The following PDE1C variants were observed in gnomAD, a reference collection of about 807,000 sequenced individuals.
PDE1C encodes dual specificity calcium/calmodulin-dependent 3',5'-cyclic nucleotide phosphodiesterase 1C.
PDE1C carries 62 observed loss-of-function variants against 93.1 expected under a neutral mutation model. The ratio of observed to expected loss-of-function variants is 0.67; its 90% CI spans 0.54 to 0.82. The LOEUF (loss-of-function observed/expected upper bound fraction) is 0.82. Among genes scored for constraint, PDE1C ranks in the 40% least tolerant of loss-of-function variants. PDE1C has a pLI of 0.00. For missense variants in PDE1C, 742 were observed against 884.6 expected (o/e 0.84, Z 2.04); for synonymous variants, 325 against 310.1 (o/e 1.05, Z -0.50).
At chr7:31,965,712 G>A (rs376298255) in intron 2 of PDE1C, among the ~76,000 whole-genome samples, 4 of 152,176 alleles carry the variant, frequency 2.6e-5, no homozygotes. Context: ...CAGAGAGAAA[G>A]GTCGGGTTAC....
In PDE1C at chr7:32,350,567, T is replaced by C. The variant is rs1373568580; in HGVS notation, c.310+77255A>G. Reference sequence around the variant, plus strand: ...TGACTAATATATATATATATATATATATATATATATATATATATATATATT... The same window carrying C: ...TGACTAATATATATATATATATATACATATATATATATATATATATATATT... On this transcript the variant is annotated intron_variant, in intron 1 of 1. Transcript: ENST00000672256. 3.9e-4 allele frequency among the ~76,000 whole-genome samples: 2 copies of C among 5,170 alleles called. 1 individual carries two copies. Among genetic ancestry groups the C allele is most frequent in the African/African-American group, 7.0e-4 (2 of 2,838 alleles). 3.4% of individuals were successfully genotyped at this position (5,170 alleles called of 152,430 possible). A position where few individuals can be genotyped will look rare whatever the true frequency, so the allele number is the denominator to read the frequency against.
intron 1 of PDE1C, among the ~76,000 whole-genome samples, chr7:32,223,224 A>G (rs561103258): frequency 6.6e-6 from 1 of 152,282 alleles, no homozygotes; most frequent in South Asian, 2.1e-4. Context: ...TTCCCATTTC[A>G]CTTGTTTTTC....
intron 3 of PDE1C, among the ~76,000 whole-genome samples, chr7:32,119,469 T>C (rs1309090259): frequency 6.6e-6 from 1 of 152,082 alleles, no homozygotes; most frequent in Non-Finnish European, 1.5e-5. Flanking sequence ...CACTGAAAGT[T>C]TCAGGTGGTT....
At chr7:32,288,868 A>C (rs1216453389) in intron 1 of PDE1C, among the ~76,000 whole-genome samples, 1 of 152,202 alleles carries the variant, frequency 6.6e-6, no homozygotes, top group Non-Finnish European at 1.5e-5. Context: ...GAAACTTCCA[A>C]AGGGCTGGAG....
At chr7:32,007,537 G>A (rs184934039) in intron 2 of PDE1C, among the ~76,000 whole-genome samples, 1 of 152,138 alleles carries the variant, frequency 6.6e-6, no homozygotes, top group East Asian at 1.9e-4. Flanking sequence ...CTTATTATGA[G>A]ACAAATCATC....
chr7:32,103,635 T>C (rs1008183493), intron 3 of PDE1C, among the ~76,000 whole-genome samples: 3 of 152,180 alleles, frequency 2.0e-5, no homozygotes, highest in African/African-American at 7.2e-5. Flanking sequence ...CCCACCCACA[T>C]AGAGAGGGCT....
At chr7:32,175,314 C>T (rs998334502) in intron 2 of PDE1C, among the ~76,000 whole-genome samples, 62 of 152,258 alleles carry the variant, frequency 4.1e-4, no homozygotes, top group African/African-American at 1.5e-3. Context: ...TTGGTTTCCC[C>T]AATGCATATA....
intron 3 of PDE1C, among the ~76,000 whole-genome samples, chr7:32,112,832 G>GTATATATATA (rs1798733753): frequency 1.7e-5 from 1 of 57,812 alleles, no homozygotes; most frequent in African/African-American, 9.5e-5. Flanking sequence ...GTGTGTGTGT[G>GTATATATATA]TGTGTGTGTG....
At chr7:32,250,423 A>G (rs1809284433) in intron 1 of PDE1C, among the ~76,000 whole-genome samples, 1 of 152,184 alleles carries the variant, frequency 6.6e-6, no homozygotes. Flanking sequence ...CCTGTTAAAA[A>G]TGGAGTTTAT....
intron 16 of PDE1C, chr7:31,789,998 T>C: frequency 2.4e-6 from 3 of 1,266,128 alleles, no homozygotes; most frequent in Non-Finnish European, 3.0e-6. Context: ...TCTCACGTTG[T>C]TTGTTTTGCT....
rs564374168 is a variant in PDE1C, at chr7:31,985,304, T to C, written c.128+66250A>G. Among the ~76,000 whole-genome samples the C allele has an allele frequency of 7.9e-5, 12 of 152,312 alleles. No individual in the cohort carries two copies. The South Asian group carries it at 2.5e-3, about 32-fold the overall frequency. The stretch of plus-strand genomic sequence containing the variant: ...TTTTTTTAAATAGTAGGGCTATTTA[T>C]ATAATCTGTTAAATTATATTTATGA... On this transcript the variant is annotated intron_variant, in intron 2 of 17. Transcript: ENST00000396191.
At chr7:31,771,891 A>T (rs951751662) in intron 17 of PDE1C, among the ~76,000 whole-genome samples, 1 of 151,820 alleles carries the variant, frequency 6.6e-6, no homozygotes, top group Non-Finnish European at 1.5e-5. Context: ...CCGTCTCTAC[A>T]AAAAATTAGC....
At chr7:31,808,364 T>G (rs1787118505) in intron 16 of PDE1C, 1 of 267,826 alleles carries the variant, frequency 3.7e-6, no homozygotes, top group Non-Finnish European at 7.6e-6. Context: ...GCTGAAACAA[T>G]GAAGTTTATG....
Position 31,824,941 on chromosome 7 carries a change from G to A in PDE1C, c.1332C>T (p.Asp444=), listed in dbSNP as rs1313986391. 1.9e-6 allele frequency: 3 copies of A among 1,613,408 alleles called. No homozygotes were observed. Among genetic ancestry groups the A allele is most frequent in the South Asian group, 1.1e-5 (1 of 91,054 alleles). The change falls in exon 13 of 18, where the codon GAC becomes GAT. Residue 444 remains aspartate, a synonymous_variant. Coordinates refer to ENST00000396191, the MANE Select transcript of PDE1C (RefSeq NM_001191057.4). ...IVEPTFTVLT[D]MTEKIVSPLI... is the part of the protein sequence containing the mutation. ...ATGGACTCACAATCTTCTCGGTCAT[G>A]TCCGTAAGCACAGTGAAGGTGGGTT...
chr7:32,074,916 CTTG>C (rs1563288841), upstream of PDE1C, among the ~76,000 whole-genome samples: 1 of 152,302 alleles, frequency 6.6e-6, no homozygotes, highest in South Asian at 2.1e-4. Flanking sequence ...CAGCCATTCT[CTTG>C]TTGTCATGGA....
the PDE1C span, among the ~76,000 whole-genome samples, chr7:31,617,997 G>T: frequency 2.0e-5 from 3 of 152,156 alleles, no homozygotes; most frequent in Non-Finnish European, 2.9e-5. Context: ...TAGATAAACT[G>T]TTTATGCTGT....
At chr7:32,255,161 G>A (rs1809692870) in intron 1 of PDE1C, among the ~76,000 whole-genome samples, 1 of 152,158 alleles carries the variant, frequency 6.6e-6, no homozygotes, top group South Asian at 2.1e-4. Context: ...ACCCAGGGTG[G>A]CTGACGTCAC....
intron 17 of PDE1C, among the ~76,000 whole-genome samples, chr7:31,763,709 C>G (rs111579178): frequency 8.0e-4 from 122 of 152,290 alleles, no homozygotes; most frequent in African/African-American, 2.9e-3. Flanking sequence ...ATTTGATATA[C>G]AGCCATCATT....
the PDE1C span, among the ~76,000 whole-genome samples, chr7:31,696,742 A>G: frequency 0.068 from 10,361 of 152,206 alleles, 738 homozygotes; most frequent in African/African-American, 0.17. Flanking sequence ...GTTTTAGTGA[A>G]GCTAAAATAA....
Sources: gnomAD v4.1 joint callset for allele counts (sites outside exome capture counted in the v4.1 genomes callset) on GRCh38, gnomAD v4.1.1 for gene constraint, MANE v1.5 for transcripts, NCBI Gene and HGNC (gene_info 2026-07-23, HGNC 2026-07-21) for gene names.